Variants in CUEDC1 observed in about 807,000 individuals in gnomAD.
The protein encoded by CUEDC1 is CUE domain containing 1.
Under a neutral mutation model 43.7 loss-of-function variants are expected in CUEDC1, and 30 were observed. The observed-to-expected ratio is 0.69, with a 90% confidence interval of 0.51 to 0.93. The LOEUF is 0.93. CUEDC1 is among the 40% of genes least tolerant of loss of function. CUEDC1 has a pLI of 0.00. For synonymous variants in CUEDC1, 223 were observed against 223.6 expected, an observed-to-expected ratio of 1.00 and a Z score of 0.02; for missense variants, 486 against 549.0, an observed-to-expected ratio of 0.89 and a Z score of 1.15.
Position 57,930,428 on chromosome 17 carries a change from G to A in CUEDC1, c.-316+24797C>T, listed in dbSNP as rs867393880. Among the ~76,000 whole-genome samples, 8 of 152,330 alleles carry A rather than the reference G, an allele frequency of 5.3e-5. No individual in the cohort carries two copies. Among genetic ancestry groups the A allele is most frequent in the Middle Eastern group, 3.4e-3 (1 of 294 alleles). ...CAGGCTGAGTCTGGGATGCCCAGGG[G>A]CCCTTTTATCCTGAGTCAGAAACCA... On this transcript the variant is annotated intron_variant, in intron 1 of 10. Transcript: ENST00000577830. This position sits in a 1 kb window ranked among gnomAD's most constrained non-coding sequence, Gnocchi z 4.2.
intron 1 of CUEDC1, among the ~76,000 whole-genome samples, chr17:57,907,839 C>CAA (rs869267040): frequency 3.8e-4 from 32 of 83,872 alleles, no homozygotes; most frequent in Middle Eastern, 8.1e-3. Flanking sequence ...GAGTGAGACT[C>CAA]AAAAAAAAAA....
intron 1 of CUEDC1, among the ~76,000 whole-genome samples, chr17:57,888,092 G>C (rs906109533): frequency 6.6e-6 from 1 of 151,492 alleles, no homozygotes; most frequent in Non-Finnish European, 1.5e-5. Flanking sequence ...TAATGGAAAT[G>C]GGGTTTTACC....
chr17:57,875,722 G>C (rs2074114286), intron 3 of CUEDC1, among the ~76,000 whole-genome samples: 1 of 152,004 alleles, frequency 6.6e-6, no homozygotes, highest in Non-Finnish European at 1.5e-5. Flanking sequence ...GGAGAAGCTG[G>C]GGAGGATTTC....
chr17:57,934,296 G>A (rs1772177536), intron 1 of CUEDC1, among the ~76,000 whole-genome samples: 1 of 152,130 alleles, frequency 6.6e-6, no homozygotes, highest in South Asian at 2.1e-4. Flanking sequence ...GGAGGCTGAG[G>A]CAGGAGAATT....
chr17:57,864,823 G>A (rs1193417597), intron 10 of CUEDC1, among the ~76,000 whole-genome samples: 1 of 152,170 alleles, frequency 6.6e-6, no homozygotes, highest in East Asian at 1.9e-4. Flanking sequence ...GGAGGTCCAG[G>A]CGGGCAGGTC....
In CUEDC1 at chr17:57,866,524, G is replaced by A. The variant is rs1357755672; in HGVS notation, c.1114C>T (p.Arg372Cys). The change falls in exon 10 of 11, where the codon CGT (arginine) becomes TGT (cysteine). Residue 372 changes from arginine (R) to cysteine (C), a missense_variant. Coordinates refer to ENST00000577830, the MANE Select transcript of CUEDC1 (RefSeq NM_001271875.2). ...HACDEDFRGRRQEAPKVEEGL... is the reference protein window; with the variant it reads ...HACDEDFRGRCQEAPKVEEGL... ...TCCTCCACCTTGGGTGCCTCCTGAC[G>A]CCTGCCCCGGAAGTCTTCATCTGAA... 23 of 1,613,898 alleles carry A rather than the reference G, an allele frequency of 1.4e-5. No homozygotes were observed. The highest frequency in any genetic ancestry group is 2.2e-5 in the East Asian group (1 of 44,886).
At chr17:57,929,487 AGG>A (rs2074782492) in intron 1 of CUEDC1, among the ~76,000 whole-genome samples, 1 of 152,150 alleles carries the variant, frequency 6.6e-6, no homozygotes, top group South Asian at 2.1e-4. Flanking sequence ...AAAGAAAGGA[AGG>A]AAGGATTTTA....
At chr17:57,897,740 C>T (rs566028419) in intron 1 of CUEDC1, among the ~76,000 whole-genome samples, 23 of 151,798 alleles carry the variant, frequency 1.5e-4, no homozygotes, top group African/African-American at 3.4e-4. Context: ...TATGGCCAGG[C>T]GCGGTAGCTC....
At position 57,863,239 on chromosome 17, in the gene CUEDC1, G is replaced by A; in HGVS notation, c.*50C>T. On this transcript the variant is annotated 3_prime_UTR_variant, in exon 11 of 11. Transcript: ENST00000577830. ...TGGGGGCCAGTGTTGCTTTCCAGCT[G>A]CCCCCACCGGGTCAGATCATCTCTG... is the stretch of plus-strand genomic sequence containing the variant. The A allele has an allele frequency of 6.5e-6, 1 of 152,776 alleles. No homozygotes were observed. The highest frequency in any genetic ancestry group is 1.5e-5 in the Non-Finnish European group (1 of 68,056). 9.5% of individuals were successfully genotyped at this position (152,776 alleles called of 1,614,324 possible). A position where few individuals can be genotyped will look rare whatever the true frequency, so the allele number is the denominator to read the frequency against.
chr17:57,924,394 G>A (rs771661962), intron 1 of CUEDC1, among the ~76,000 whole-genome samples: 2 of 151,946 alleles, frequency 1.3e-5, no homozygotes, highest in Non-Finnish European at 2.9e-5. Flanking sequence ...GTGAGCCACC[G>A]CGCCGGGCCT....
intron 1 of CUEDC1, among the ~76,000 whole-genome samples, chr17:57,953,509 T>A (rs975965136): frequency 2.3e-4 from 35 of 152,212 alleles, no homozygotes; most frequent in African/African-American, 7.7e-4. Context: ...AGGTGACAAC[T>A]GTTCTGATGG....
chr17:57,953,228 C>A (rs551328236), intron 1 of CUEDC1, among the ~76,000 whole-genome samples: 2 of 152,304 alleles, frequency 1.3e-5, no homozygotes, highest in South Asian at 4.1e-4. Context: ...CCACCTCCAC[C>A]CAAATCCCTT....
At chr17:57,894,759 G>A (rs542161665) in intron 1 of CUEDC1, among the ~76,000 whole-genome samples, 2 of 152,298 alleles carry the variant, frequency 1.3e-5, no homozygotes, top group African/African-American at 2.4e-5. Context: ...GGCCAAGTCT[G>A]TAGCCAATGG....
intron 3 of CUEDC1, among the ~76,000 whole-genome samples, chr17:57,875,785 C>T (rs752603016): frequency 5.3e-5 from 8 of 152,172 alleles, no homozygotes; most frequent in South Asian, 2.1e-4. Context: ...CAAGCCCCAT[C>T]GGACCCCCAG....
At chr17:57,928,279 G>C (rs9891237) in intron 1 of CUEDC1, among the ~76,000 whole-genome samples, 12,777 of 152,234 alleles carry the variant, frequency 0.084, 1,168 homozygotes, top group African/African-American at 0.22. Flanking sequence ...GATGGGCGTG[G>C]TGGCTCACGC....
intron 1 of CUEDC1, among the ~76,000 whole-genome samples, chr17:57,935,607 G>A (rs2074854070): frequency 6.6e-6 from 1 of 151,984 alleles, no homozygotes; most frequent in South Asian, 2.1e-4. Flanking sequence ...TCCTCCCGAG[G>A]TTTGAAAAGC....
chr17:57,873,835 C>T (rs1417720819), intron 3 of CUEDC1, 118 bp from the exon 4 acceptor site: 4 of 1,056,296 alleles, frequency 3.8e-6, no homozygotes, highest in Admixed American at 6.2e-5. Flanking sequence ...CCCATGGCCT[C>T]CACTGCCTCC....
chr17:57,949,025 C>G (rs1338169179), intron 1 of CUEDC1, among the ~76,000 whole-genome samples: 1 of 152,200 alleles, frequency 6.6e-6, no homozygotes, highest in African/African-American at 2.4e-5. Context: ...GCTACAGAAT[C>G]CAGAAAACCT....
At chr17:57,933,170 C>A (rs546637546) in intron 1 of CUEDC1, among the ~76,000 whole-genome samples, 18 of 151,478 alleles carry the variant, frequency 1.2e-4, no homozygotes, top group Non-Finnish European at 2.2e-4. Flanking sequence ...CCCCACCCAG[C>A]ACTAGCAGAA....
Sources: gnomAD v4.1 joint callset for allele counts (sites outside exome capture counted in the v4.1 genomes callset) on GRCh38, gnomAD v4.1.1 for gene constraint, Gnocchi (gnomAD v3.1) non-coding constraint, MANE v1.5 for transcripts, NCBI Gene and HGNC (gene_info 2026-07-23, HGNC 2026-07-21) for gene names.